The following ZNF326 variants were observed in gnomAD, a reference collection of about 807,000 sequenced individuals.
ZNF326 encodes DBIRD complex subunit ZNF326.
A neutral mutation model predicts 63.1 loss-of-function variants in ZNF326; 30 were observed. That is an observed-to-expected ratio of 0.48 (90% CI 0.36 to 0.64). The LOEUF is 0.64. Among genes scored for constraint, ZNF326 ranks in the 30% least tolerant of loss-of-function variants. The pLI is 0.00. For synonymous variants in ZNF326, 194 were observed against 228.2 expected, an observed-to-expected ratio of 0.85 and a Z score of 1.35; for missense variants, 609 against 720.3, an observed-to-expected ratio of 0.85 and a Z score of 1.77.
intron 11 of ZNF326, among the ~76,000 whole-genome samples, chr1:90,027,087 G>GTGTGTC (rs1036408529): frequency 5.3e-5 from 8 of 151,808 alleles, no homozygotes; most frequent in African/African-American, 1.9e-4. Context: ...GTGTGTGTGT[G>GTGTGTC]TATGATTATT....
At chr1:90,009,045 AT>A in intron 5 of ZNF326, among the ~76,000 whole-genome samples, 1 of 152,318 alleles carries the variant, frequency 6.6e-6, no homozygotes, top group East Asian at 1.9e-4. Context: ...TAGTTTGAAA[AT>A]TTGGAAAACA....
Position 90,022,356 on chromosome 1 carries a change from A to G in ZNF326, c.1401+11A>G. The G allele has an allele frequency of 6.3e-7, 1 of 1,593,254 alleles. No homozygotes were observed. The highest frequency in any genetic ancestry group is 8.6e-7 in the Non-Finnish European group (1 of 1,163,876). On this transcript the variant is annotated intron_variant, in intron 11 of 11. Transcript: ENST00000340281. ...GAACGTTTTGTTAAGGTAAGATTTT[A>G]GGGCAAAAACCTTTTCAATAATATT...
chr1:90,022,369 T>C, intron 11 of ZNF326, 24 bp downstream of exon 11: 1 of 1,538,540 alleles, frequency 6.5e-7, no homozygotes, highest in Non-Finnish European at 9.0e-7. Flanking sequence ...GCAAAAACCT[T>C]TTCAATAATA....
rs1650418502 is a variant in ZNF326 at position 90,034,825 on chromosome 1, C to T, written c.*7124C>T. 6.6e-6 allele frequency: 1 copy of T among 151,898 alleles called. No individual in the cohort carries two copies. The highest frequency in any genetic ancestry group is 1.5e-5 in the Non-Finnish European group (1 of 67,952). The allele number at this position is 151,898 out of a possible 1,614,324, so 9.4% of individuals were successfully genotyped here. A position where few individuals can be genotyped will look rare whatever the true frequency, so the allele number is the denominator to read the frequency against. On this transcript the variant is annotated 3_prime_UTR_variant, in exon 12 of 12. Transcript: ENST00000340281. ...TTGTTCATCAAAGATAGCTATAGAC[C>T]AGTCTCACTTACGAACAAATGTAAT... is the stretch of plus-strand genomic sequence containing the variant.
At chr1:89,996,656 T>G (rs1648390096) in intron 1 of ZNF326, among the ~76,000 whole-genome samples, 1 of 151,980 alleles carries the variant, frequency 6.6e-6, no homozygotes, top group Non-Finnish European at 1.5e-5. Flanking sequence ...GAAGAATCCC[T>G]TGAACCCGGG....
At chr1:90,016,725 AAAAG>A (rs1649520972) in intron 7 of ZNF326, among the ~76,000 whole-genome samples, 1 of 151,958 alleles carries the variant, frequency 6.6e-6, no homozygotes, top group Admixed American at 6.5e-5. Flanking sequence ...TCAAAAAAAA[AAAAG>A]AAAAAGAAAA....
Position 90,013,651 on chromosome 1 carries a change from A to G in ZNF326, c.926+414A>G, listed in dbSNP as rs555633297. ...TGGCTTTTATAGATAATCAATCATTAAAAAGCTATAATAGTTAAAAATATG... is the reference window on the plus strand; with the variant it reads ...TGGCTTTTATAGATAATCAATCATTGAAAAGCTATAATAGTTAAAAATATG... On this transcript the variant is annotated intron_variant, in intron 7 of 11. Coordinates refer to ENST00000340281, the MANE Select transcript of ZNF326 (RefSeq NM_182976.4). Among the ~76,000 whole-genome samples the G allele has an allele frequency of 7.2e-5, 11 of 152,368 alleles. 2 individuals carry two copies. The South Asian group carries it at 2.3e-3, about 32-fold the overall frequency.
rs1648282037 is a variant in ZNF326 at position 89,995,206 on chromosome 1, C to T, written c.-52C>T. On this transcript the variant is annotated 5_prime_UTR_variant, in exon 1 of 12. Transcript: ENST00000340281. The stretch of plus-strand genomic sequence containing the variant: ...ATCGCGGGTCGCGGACGCTCGCCGC[C>T]GGCCATAGCTCAGCCTAGCGCCGCC... The T allele has an allele frequency of 1.3e-6, 2 of 1,528,452 alleles. No individual in the cohort carries two copies. The highest frequency in any genetic ancestry group is 1.8e-6 in the Non-Finnish European group (2 of 1,140,774). The allele number at this position is 1,528,452 out of a possible 1,614,324, so 94.7% of individuals were successfully genotyped here.
chr1:90,014,455 CAG>C (rs1166240496), intron 7 of ZNF326, among the ~76,000 whole-genome samples: 5 of 152,066 alleles, frequency 3.3e-5, no homozygotes, highest in Non-Finnish European at 7.4e-5. Context: ...TTAAACTTAA[CAG>C]TAATTTCATT....
intron 9 of ZNF326, among the ~76,000 whole-genome samples, chr1:90,019,244 C>G (rs1265310298): frequency 1.3e-5 from 2 of 152,044 alleles, no homozygotes; most frequent in East Asian, 3.9e-4. Flanking sequence ...GAAAGAAAAA[C>G]AGACACTAGT....
In ZNF326 at chr1:90,027,699, T is replaced by G; in HGVS notation, c.1747T>G (p.Ter583GluextTer2). 1 of 1,613,798 alleles carries G rather than the reference T, an allele frequency of 6.2e-7. No homozygotes were observed. The highest frequency in any genetic ancestry group is 8.5e-7 in the Non-Finnish European group (1 of 1,179,810). ...CCCTGTTGAGCAACCTGAAGAAAATTAAATATAAGGTATTAGATTTAAAAG... is the reference window on the plus strand; with the variant it reads ...CCCTGTTGAGCAACCTGAAGAAAATGAAATATAAGGTATTAGATTTAAAAG... ...DFPVEQPEEN[*>E] is the part of the protein sequence containing the mutation. Residue 583 changes from the stop codon to glutamate (E), a stop_lost, in exon 12 of 12, where the codon TAA (stop) becomes GAA (glutamate). Transcript: ENST00000340281.
chr1:89,995,857 G>T (rs1163593498), intron 1 of ZNF326, among the ~76,000 whole-genome samples: 1 of 152,200 alleles, frequency 6.6e-6, no homozygotes, highest in African/African-American at 2.4e-5. Flanking sequence ...TAGTAAACTG[G>T]GGTGTTTATC....
chr1:90,018,953 C>G (rs947443209), intron 9 of ZNF326, among the ~76,000 whole-genome samples, 169 bp downstream of exon 9: 5 of 152,034 alleles, frequency 3.3e-5, no homozygotes, highest in Admixed American at 3.3e-4. Flanking sequence ...CTAATGCTTA[C>G]AAATTTATCA....
At chr1:90,015,353 A>G (rs1419824970) in intron 7 of ZNF326, among the ~76,000 whole-genome samples, 2 of 152,208 alleles carry the variant, frequency 1.3e-5, no homozygotes, top group Non-Finnish European at 1.5e-5. Context: ...TACCAGGAGT[A>G]CAATGTAGTC....
rs575254082 is a variant in ZNF326, at chr1:90,034,071, C to T, written c.*6370C>T. 1 of 152,178 alleles carries T rather than the reference C, an allele frequency of 6.6e-6. No homozygotes were observed. The highest frequency in any genetic ancestry group is 1.9e-4 in the East Asian group (1 of 5,190). 9.4% of individuals were successfully genotyped at this position (152,178 alleles called of 1,614,324 possible). A position where few individuals can be genotyped will look rare whatever the true frequency, so the allele number is the denominator to read the frequency against. On this transcript the variant is annotated 3_prime_UTR_variant, in exon 12 of 12. Coordinates refer to ENST00000340281, the MANE Select transcript of ZNF326 (RefSeq NM_182976.4). ...TGTAATCCCAAGCTTAGAAAAATCT[C>T]AAAATGTCTAAAGAGAAACAGTGTA...
At chr1:90,025,818 T>C (rs1030936037) in intron 11 of ZNF326, among the ~76,000 whole-genome samples, 10 of 152,216 alleles carry the variant, frequency 6.6e-5, no homozygotes, top group African/African-American at 2.4e-4. Flanking sequence ...TCTGTATTGA[T>C]GATTAACTCT....
intron 7 of ZNF326, among the ~76,000 whole-genome samples, chr1:90,016,289 C>T (rs1004285336): frequency 1.3e-5 from 2 of 151,976 alleles, no homozygotes; most frequent in Non-Finnish European, 2.9e-5. Context: ...GCAGTTGGCT[C>T]CAGAGCTCAT....
intron 2 of ZNF326, among the ~76,000 whole-genome samples, chr1:90,003,111 A>G (rs1648771079): frequency 1.3e-5 from 2 of 151,862 alleles, no homozygotes; most frequent in Admixed American, 6.6e-5. Flanking sequence ...TCGTTAAAAC[A>G]ATGTTTTCAC....
chr1:90,002,679 T>A (rs1221935085), intron 2 of ZNF326, among the ~76,000 whole-genome samples: 2 of 152,194 alleles, frequency 1.3e-5, no homozygotes, highest in East Asian at 1.9e-4. Context: ...CATGGATAGT[T>A]TGAATTGAAG....
Sources: gnomAD v4.1 joint callset for allele counts (sites outside exome capture counted in the v4.1 genomes callset) on GRCh38, gnomAD v4.1.1 for gene constraint, MANE v1.5 for transcripts, NCBI Gene and HGNC (gene_info 2026-07-23, HGNC 2026-07-21) for gene names.